The following PCNT variants were observed in gnomAD, a reference collection of about 807,000 sequenced individuals.
PCNT encodes the protein pericentrin.
PCNT carries 319 observed loss-of-function variants against 380.4 expected under a neutral mutation model. The ratio of observed to expected loss-of-function variants is 0.84; its 90% confidence interval spans 0.77 to 0.92. The LOEUF is 0.92. Ranked by LOEUF, PCNT falls within the 40% of genes least tolerant of loss-of-function variation. PCNT has a pLI of 0.00. For missense variants in PCNT, 4,400 were observed against 4,255.3 expected (o/e 1.03, Z -0.95); for synonymous variants, 1,845 against 1,735.2 (o/e 1.06, Z -1.57).
At position 46,362,232 on chromosome 21, in the gene PCNT, C is replaced by T. The variant is rs939931269; in HGVS notation, c.2155-1248C>T. Among the ~76,000 whole-genome samples, 5 of 152,326 alleles carry T rather than the reference C, an allele frequency of 3.3e-5. No homozygotes were observed. In the South Asian group the frequency reaches 8.3e-4, roughly 25 times the overall value. On this transcript the variant is annotated intron_variant, in intron 13 of 46. Coordinates refer to ENST00000359568, the MANE Select transcript of PCNT (RefSeq NM_006031.6). ...CCTGAGACGTGGGCGGGTTCCTTCC[C>T]AGGCGTTGCAGCTCTCTTTCCTCCC...
At chr21:46,391,041 G>A in intron 20 of PCNT, 123 bp from the exon 21 acceptor site, 1 of 1,152,406 alleles carries the variant, frequency 8.7e-7, no homozygotes, top group South Asian at 1.3e-5. Context: ...CCTGGGTCCT[G>A]GAAGCTGCTG....
At chr21:46,346,278 C>CG in intron 4 of PCNT, 70 bp downstream of exon 4, 4 of 544,546 alleles carry the variant, frequency 7.3e-6, no homozygotes, top group Non-Finnish European at 1.1e-5. Context: ...AGTGGGCATC[C>CG]GGGTGGGGGT....
chr21:46,354,628 G>A (rs553059814), intron 11 of PCNT, among the ~76,000 whole-genome samples: 50 of 152,302 alleles, frequency 3.3e-4, no homozygotes, highest in Admixed American at 1.2e-3. Context: ...GGGGACACAC[G>A]GGAGGGCAGG....
intron 14 of PCNT, 22 bp downstream of exon 14, chr21:46,363,956 C>G (rs1241931020): frequency 1.9e-6 from 3 of 1,595,040 alleles, no homozygotes; most frequent in Non-Finnish European, 2.6e-6. Flanking sequence ...GTGACGCCAT[C>G]TGCAGTCCCT....
Position 46,411,778 on chromosome 21 carries a change from G to A in PCNT, c.5705G>A (p.Arg1902His), listed in dbSNP as rs201536644. Residue 1902 changes from arginine to histidine, a missense_variant, in exon 28 of 47, where the codon CGC becomes CAC. Coordinates refer to ENST00000359568, the MANE Select transcript of PCNT (RefSeq NM_006031.6). Reference protein sequence around the residue: ...EAVLLALARIRRALEQQPLAA... With the variant: ...EAVLLALARIHRALEQQPLAA... ...GTCCTGTTGGCCTTGGCCCGCATCC[G>A]CCGCGCCCTGGAGCAGCAGCCCCTG... The A allele has an allele frequency of 2.7e-4, 428 of 1,604,714 alleles. No individual in the cohort carries two copies. The highest frequency in any genetic ancestry group is 3.2e-4 in the Non-Finnish European group (380 of 1,178,146).
chr21:46,354,038 C>A lies in PCNT; in HGVS notation c.1731C>A (p.His577Gln). 6.2e-7 allele frequency: 1 copy of A among 1,614,068 alleles called. No individual in the cohort carries two copies. The highest frequency in any genetic ancestry group is 8.5e-7 in the Non-Finnish European group (1 of 1,179,952). Residue 577 changes from histidine to glutamine, a missense_variant, in exon 11 of 47, where the codon CAC (histidine) becomes CAA (glutamine). By Grantham distance (24) the His-to-Gln change is conservative. Coordinates refer to ENST00000359568, the MANE Select transcript of PCNT (RefSeq NM_006031.6). ...AACCTGAGAAAGGAAGAAAAGATCA[C>A]GTTGATGAACTCGAGCCTGAGCGAC... ...EEKPEKGRKD[H>Q]VDELEPERHK...
At chr21:46,344,433 C>T (rs1042072332) in intron 3 of PCNT, among the ~76,000 whole-genome samples, 1 of 152,220 alleles carries the variant, frequency 6.6e-6, no homozygotes, top group Admixed American at 6.5e-5. Context: ...ACCCTGGGGA[C>T]GAGTCCCCGC....
intron 15 of PCNT, among the ~76,000 whole-genome samples, chr21:46,371,985 C>G (rs964354739): frequency 6.7e-6 from 1 of 148,558 alleles, no homozygotes; most frequent in Non-Finnish European, 1.5e-5. Context: ...TACACACATG[C>G]AGCACATGCA....
At chr21:46,430,370 G>T in intron 36 of PCNT, 137 bp from the exon 37 acceptor site, 1 of 1,407,732 alleles carries the variant, frequency 7.1e-7, no homozygotes, top group Non-Finnish European at 9.8e-7. Context: ...GCTGTCCCTG[G>T]GTTGATAATC....
At chr21:46,375,349 C>A (rs928512694) in intron 15 of PCNT, among the ~76,000 whole-genome samples, 13 of 152,242 alleles carry the variant, frequency 8.5e-5, no homozygotes, top group African/African-American at 2.4e-4. Context: ...ATTTGAATGT[C>A]CTAAATGCGT....
At chr21:46,432,409 G>A (rs1463492437) in intron 38 of PCNT, among the ~76,000 whole-genome samples, 194 bp downstream of exon 38, 3 of 152,354 alleles carry the variant, frequency 2.0e-5, no homozygotes, top group African/African-American at 2.4e-5. Context: ...GGAAGTGTGA[G>A]TTCTCCAACT....
rs867786587 is a variant in PCNT, at chr21:46,430,113, C to T, written c.7794C>T (p.Leu2598=). The part of the protein sequence containing the change: ...EQEKANSVQK[L]LAAEQTVVRD... ...AGAAGGCAAACAGCGTGCAGAAGCT[C>T]CTGGCGGCGGAGCAGACTGTAGTGC... The change falls in exon 36 of 47, where the codon CTC becomes CTT. Residue 2598 remains leucine, a synonymous_variant. Coordinates refer to ENST00000359568, the MANE Select transcript of PCNT (RefSeq NM_006031.6). 1 of 1,614,202 alleles carries T rather than the reference C, an allele frequency of 6.2e-7. No homozygotes were observed.
rs2053731306 is a variant in PCNT at position 46,445,578 on chromosome 21, G to A, written c.*251G>A. 3 of 554,462 alleles carry A rather than the reference G, an allele frequency of 5.4e-6. No individual in the cohort carries two copies. In the Admixed American group the frequency reaches 9.4e-5, roughly 17 times the overall value. The allele number at this position is 554,462 out of a possible 1,614,324, so 34.3% of individuals were successfully genotyped here. ...TGAGGTGACGGGCACTCACTCCCAT[G>A]AGCCCTGGCTGTGTGCTGTTGTGTG... On this transcript the variant is annotated 3_prime_UTR_variant, in exon 47 of 47. Coordinates refer to ENST00000359568, the MANE Select transcript of PCNT (RefSeq NM_006031.6).
At chr21:46,343,886 G>C (rs750864517) in intron 3 of PCNT, among the ~76,000 whole-genome samples, 2 of 152,046 alleles carry the variant, frequency 1.3e-5, no homozygotes, top group Non-Finnish European at 2.9e-5. Context: ...TCGCCTCCAG[G>C]TTTTCTAGTT....
rs528433909 is a variant in PCNT, at chr21:46,326,487, G to A, written c.165G>A (p.Pro55=). ...AVDASVQEES[P]VTKEDSALCG... is the part of the protein sequence containing the mutation. The stretch of plus-strand genomic sequence containing the variant: ...ATGCGTCTGTCCAGGAGGAGAGTCC[G>A]GTAACCAAGGAGGACAGCGCACTCT... The change falls in exon 2 of 47, where the codon CCG becomes CCA. Residue 55 remains proline (P), a synonymous_variant. Transcript: ENST00000359568. 9.3e-6 allele frequency: 15 copies of A among 1,614,204 alleles called. No individual in the cohort carries two copies. The South Asian group carries it at 9.9e-5, about 11-fold the overall frequency.
intron 27 of PCNT, among the ~76,000 whole-genome samples, chr21:46,407,934 TA>T (rs1285436917): frequency 6.6e-6 from 1 of 152,236 alleles, no homozygotes; most frequent in Non-Finnish European, 1.5e-5. Context: ...CTTCTTTTTC[TA>T]GCTTTTTCAG....
intron 3 of PCNT, among the ~76,000 whole-genome samples, chr21:46,342,378 A>G (rs1252122664): frequency 6.6e-6 from 1 of 152,072 alleles, no homozygotes; most frequent in Non-Finnish European, 1.5e-5. Flanking sequence ...AAGTGCTGTG[A>G]TTACAGGCGT....
chr21:46,417,677 G>T (rs1408617632), intron 30 of PCNT, among the ~76,000 whole-genome samples: 2 of 152,148 alleles, frequency 1.3e-5, no homozygotes, highest in Non-Finnish European at 2.9e-5. Context: ...GAGGCGGGAG[G>T]ATTGCTTGAG....
chr21:46,401,702 T>TC lies in PCNT; in HGVS notation c.4945dup (p.Leu1649ProfsTer20). On this transcript the variant is annotated frameshift_variant, in exon 26 of 47. Transcript: ENST00000359568. LOFTEE classifies it high-confidence loss of function. ...CAGTTAGAGGTGACACAGAGAGCACTCCTGCGGCGCGAGAGCGAGGTGAGT... is the reference window on the plus strand; with the variant it reads ...CAGTTAGAGGTGACACAGAGAGCACTCCCTGCGGCGCGAGAGCGAGGTGAGT... 1 of 1,614,072 alleles carries TC rather than the reference T, an allele frequency of 6.2e-7. No individual in the cohort carries two copies. Among genetic ancestry groups the TC allele is most frequent in the Non-Finnish European group, 8.5e-7 (1 of 1,180,014 alleles).
Sources: gnomAD v4.1 joint callset for allele counts (sites outside exome capture counted in the v4.1 genomes callset) on GRCh38, gnomAD v4.1.1 for gene constraint, MANE v1.5 for transcripts, NCBI Gene and HGNC (gene_info 2026-07-23, HGNC 2026-07-21) for gene names.